KCNMA1: variants seen among roughly 807,000 people sequenced by gnomAD.
The protein encoded by KCNMA1 is Calcium-activated potassium channel subunit alpha-1.
Under a neutral mutation model 140.0 loss-of-function variants are expected in KCNMA1, and 29 were observed. The observed-to-expected ratio is 0.21, with a 90% CI of 0.15 to 0.28. The LOEUF is 0.28. KCNMA1 is among the 10% of genes least tolerant of loss of function. The pLI, the probability that KCNMA1 is intolerant of heterozygous loss-of-function variation, is 1.00. For missense variants in KCNMA1, 880 were observed against 1,602.2 expected, an observed-to-expected ratio of 0.55 and a Z score of 7.70; for synonymous variants, 612 against 611.9, an observed-to-expected ratio of 1.00 and a Z score of 0.00.
chr10:77,302,733 A>G (rs1414299815), intron 2 of KCNMA1, among the ~76,000 whole-genome samples: 1 of 152,080 alleles, frequency 6.6e-6, no homozygotes, highest in African/African-American at 2.4e-5. Context: ...GGGCTCAGAA[A>G]GGGGATGGAT....
At chr10:77,228,188 C>T (rs1218353948) in intron 3 of KCNMA1, among the ~76,000 whole-genome samples, 1 of 152,156 alleles carries the variant, frequency 6.6e-6, no homozygotes, top group Non-Finnish European at 1.5e-5. Context: ...TGGTTTCGAA[C>T]TCCTGACCTC....
chr10:77,588,632 G>A (rs2078011112), intron 1 of KCNMA1, among the ~76,000 whole-genome samples: 1 of 152,160 alleles, frequency 6.6e-6, no homozygotes, highest in Non-Finnish European at 1.5e-5. Flanking sequence ...CAAGGTTCTA[G>A]TAAGATATTT....
intron 1 of KCNMA1, among the ~76,000 whole-genome samples, chr10:77,585,590 T>G (rs1053818170): frequency 6.6e-6 from 1 of 152,220 alleles, no homozygotes; most frequent in East Asian, 1.9e-4. Context: ...ACCCAGCTTT[T>G]CTGTTCTCAT....
intron 7 of KCNMA1, among the ~76,000 whole-genome samples, chr10:77,110,681 A>C (rs950009355): frequency 2.0e-5 from 3 of 152,232 alleles, no homozygotes; most frequent in Non-Finnish European, 4.4e-5. Flanking sequence ...GCCAGGTTTT[A>C]GAGCACTCTC....
chr10:77,237,428 C>A (rs1365607253), intron 3 of KCNMA1, among the ~76,000 whole-genome samples: 2 of 152,192 alleles, frequency 1.3e-5, no homozygotes, highest in Non-Finnish European at 2.9e-5. Context: ...TGGTGTTCAC[C>A]ACTAGGCTCC....
intron 2 of KCNMA1, among the ~76,000 whole-genome samples, chr10:77,361,364 T>C (rs1326195572): frequency 6.6e-6 from 1 of 152,116 alleles, no homozygotes; most frequent in East Asian, 1.9e-4. Flanking sequence ...AGGCCTAAAG[T>C]AGAACAAGAC....
intron 5 of KCNMA1, among the ~76,000 whole-genome samples, chr10:77,181,906 G>T (rs1206646171): frequency 6.6e-6 from 1 of 151,884 alleles, no homozygotes; most frequent in Non-Finnish European, 1.5e-5. Context: ...TTTAGGATAT[G>T]GACACATACA....
intron 1 of KCNMA1, among the ~76,000 whole-genome samples, chr10:77,450,741 G>T (rs1209813048): frequency 6.6e-6 from 1 of 152,168 alleles, no homozygotes; most frequent in African/African-American, 2.4e-5. Flanking sequence ...GGATAGAAGG[G>T]CCCCATGAGA....
intron 2 of KCNMA1, among the ~76,000 whole-genome samples, chr10:77,305,545 C>T (rs901312609): frequency 6.6e-6 from 1 of 152,186 alleles, no homozygotes; most frequent in Non-Finnish European, 1.5e-5. Context: ...CAGAGGGGAG[C>T]TCTCTCTACC....
intron 1 of KCNMA1, among the ~76,000 whole-genome samples, chr10:77,448,250 G>C (rs2097565238): frequency 6.6e-6 from 1 of 152,170 alleles, no homozygotes; most frequent in African/African-American, 2.4e-5. Context: ...TGCATGGAGA[G>C]GTCACAGCCT....
At chr10:77,519,392 C>T (rs574080773) in intron 1 of KCNMA1, among the ~76,000 whole-genome samples, 4 of 152,336 alleles carry the variant, frequency 2.6e-5, no homozygotes, top group Admixed American at 2.0e-4. Flanking sequence ...TCCCACCTCA[C>T]GCTTTCTGAA....
rs1555337767 is a variant in KCNMA1 at position 77,439,149 on chromosome 10, A to AGAGAAGAGAAGAG, written c.379-35127_379-35126insCTCTTCTCTTCTC. 1.9e-3 allele frequency among the ~76,000 whole-genome samples: 165 copies of AGAGAAGAGAAGAG among 85,266 alleles called. 1 individual carries two copies. The highest frequency in any genetic ancestry group is 5.8e-3 in the African/African-American group (130 of 22,518). The allele number at this position is 85,266 out of a possible 152,430, so 55.9% of individuals were successfully genotyped here. On this transcript the variant is annotated intron_variant, in intron 1 of 27. Transcript: ENST00000286628. ...AGAGAAGAGAAGAGAAGAGAAGAGA[A>AGAGAAGAGAAGAG]AAGAGAAGAGAAGAAAAGAAAAGAG...
chr10:77,580,878 C>T (rs2075680359), intron 1 of KCNMA1, among the ~76,000 whole-genome samples: 1 of 152,132 alleles, frequency 6.6e-6, no homozygotes, highest in African/African-American at 2.4e-5. Flanking sequence ...CCATGTGGCC[C>T]AATACTTTAT....
chr10:77,553,211 T>C (rs1311989765), intron 1 of KCNMA1, among the ~76,000 whole-genome samples: 2 of 152,156 alleles, frequency 1.3e-5, no homozygotes, highest in Non-Finnish European at 2.9e-5. Context: ...AAATCAGAAA[T>C]ATAACTTTTT....
chr10:77,146,062 C>T (rs2098282145), intron 5 of KCNMA1, among the ~76,000 whole-genome samples: 1 of 152,136 alleles, frequency 6.6e-6, no homozygotes, highest in Admixed American at 6.5e-5. Context: ...CTGGGCTAAC[C>T]ATATTGGGGA....
intron 1 of KCNMA1, among the ~76,000 whole-genome samples, chr10:77,504,063 T>C (rs1467656439): frequency 1.9e-4 from 29 of 152,252 alleles, no homozygotes; most frequent in South Asian, 6.2e-4. Context: ...AGGGATACAA[T>C]TGGGTAGCAT....
At chr10:77,392,693 C>T (rs937970853) in intron 2 of KCNMA1, among the ~76,000 whole-genome samples, 1 of 152,224 alleles carries the variant, frequency 6.6e-6, no homozygotes, top group Non-Finnish European at 1.5e-5. Context: ...GGAGCTGCCT[C>T]GCATGTGCAG....
At chr10:76,955,380 C>G (rs1160960294) in intron 20 of KCNMA1, among the ~76,000 whole-genome samples, 1 of 152,054 alleles carries the variant, frequency 6.6e-6, no homozygotes, top group Non-Finnish European at 1.5e-5. Flanking sequence ...CTACCACGAC[C>G]CTCCAATATG....
At chr10:77,383,004 A>G (rs1213525076) in intron 2 of KCNMA1, among the ~76,000 whole-genome samples, 173 of 62,910 alleles carry the variant, frequency 2.7e-3, no homozygotes, top group Middle Eastern at 8.9e-3. Flanking sequence ...GTATATATAT[A>G]TATATATATA....
Sources: gnomAD v4.1 joint callset for allele counts (sites outside exome capture counted in the v4.1 genomes callset) on GRCh38, gnomAD v4.1.1 for gene constraint, MANE v1.5 for transcripts, NCBI Gene and HGNC (gene_info 2026-07-23, HGNC 2026-07-21) for gene names.